LAMB4: variants seen among roughly 807,000 people sequenced by gnomAD.
The protein encoded by LAMB4 is laminin subunit beta-4.
In LAMB4, 196 loss-of-function variants were observed where a neutral mutation model predicts 199.2. That is an observed-to-expected ratio of 0.98 (90% CI 0.88 to 1.11). The LOEUF is 1.11. Ranked by LOEUF, LAMB4 falls within the 50% of genes least tolerant of loss-of-function variation. The pLI, the probability that LAMB4 is intolerant of heterozygous loss-of-function variation, is 0.00. For missense variants in LAMB4, 2,080 were observed against 2,171.2 expected (o/e 0.96, Z 0.83); for synonymous variants, 744 against 770.6 (o/e 0.97, Z 0.57).
the LAMB4 span, among the ~76,000 whole-genome samples, chr7:108,013,484 A>G: frequency 5.6e-4 from 86 of 152,262 alleles, 1 homozygote; most frequent in East Asian, 0.017. Flanking sequence ...ATTCCTTATA[A>G]ATGTGTTCAG....
rs780410495 is a variant in LAMB4, at chr7:108,069,717, C to T, written c.2293G>A (p.Gly765Arg). Reference protein sequence around the residue: ...IISMSAKLHDGAVACKCHPQG... With the variant: ...IISMSAKLHDRAVACKCHPQG... ...TTAAACAGATACTTACCCACAGCCCCATCATGCAGCTTGGCAGACATGCTG... is the reference window on the plus strand; with the variant it reads ...TTAAACAGATACTTACCCACAGCCCTATCATGCAGCTTGGCAGACATGCTG... The change falls in exon 18 of 34, where the codon GGG becomes AGG. Residue 765 changes from glycine (G) to arginine (R), a missense_variant. Physicochemically the swap from Gly to Arg is moderately radical, Grantham distance 125. Transcript: ENST00000388781. The T allele has an allele frequency of 5.6e-6, 9 of 1,613,620 alleles. No homozygotes were observed. The highest frequency in any genetic ancestry group is 3.3e-5 in the Admixed American group (2 of 59,996).
At chr7:108,099,728 A>T (rs1212776394) in intron 10 of LAMB4, among the ~76,000 whole-genome samples, 1 of 152,228 alleles carries the variant, frequency 6.6e-6, no homozygotes, top group African/African-American at 2.4e-5. Context: ...GATTACTAAA[A>T]ACAAAACTGT....
intron 24 of LAMB4, among the ~76,000 whole-genome samples, 180 bp from the exon 25 acceptor site, chr7:108,056,187 C>G (rs1389044453): frequency 6.6e-6 from 1 of 152,216 alleles, no homozygotes; most frequent in Non-Finnish European, 1.5e-5. Flanking sequence ...CAGCATGGCT[C>G]TCTATATTCC....
chr7:108,048,099 G>A lies in LAMB4; in HGVS notation c.4135C>T (p.Pro1379Ser). Residue 1379 changes from proline (P) to serine (S), a missense_variant, in exon 28 of 34, where the codon CCA (proline) becomes TCA (serine). Pro to Ser is a moderately conservative substitution (Grantham distance 74, BLOSUM62 -1). Coordinates refer to ENST00000388781, the MANE Select transcript of LAMB4 (RefSeq NM_007356.3). Reference protein sequence around the residue: ...QILNEKVCGDPGNVPCVPLPC... With the variant: ...QILNEKVCGDSGNVPCVPLPC... ...AAGGGCACACATGGCACATTTCCTG[G>A]ATCTCCGCACACCTTGCAAGAGAAA... 6.2e-7 allele frequency: 1 copy of A among 1,612,176 alleles called. No individual in the cohort carries two copies. The highest frequency in any genetic ancestry group is 1.7e-5 in the Admixed American group (1 of 59,938).
At chr7:108,062,506 G>A (rs930185558) in intron 23 of LAMB4, 1 of 267,848 alleles carries the variant, frequency 3.7e-6, no homozygotes, top group Non-Finnish European at 7.0e-6. Flanking sequence ...AGGTGAGGCT[G>A]ATGTCTGTGT....
chr7:108,033,735 A>ATTT (rs556578520), intron 31 of LAMB4, among the ~76,000 whole-genome samples: 1 of 102,056 alleles, frequency 9.8e-6, no homozygotes, highest in Non-Finnish European at 2.1e-5. Flanking sequence ...TTGGATGAGT[A>ATTT]TTTTTTTTTT....
intron 24 of LAMB4, among the ~76,000 whole-genome samples, chr7:108,056,719 C>A (rs2035996315): frequency 6.6e-6 from 1 of 152,130 alleles, no homozygotes; most frequent in Admixed American, 6.5e-5. Flanking sequence ...CCTGTAATCC[C>A]AGCACTTTGG....
chr7:108,072,732 C>T (rs758736174), intron 17 of LAMB4, among the ~76,000 whole-genome samples: 42 of 152,112 alleles, frequency 2.8e-4, no homozygotes, highest in Non-Finnish European at 5.1e-4. Context: ...CTATGCCTAC[C>T]ACAGTGTCTA....
At position 108,043,545 on chromosome 7, in the gene LAMB4, G is replaced by GTTTTTTTTT. The variant is rs748169558; in HGVS notation, c.4471+198_4471+206dup. Among the ~76,000 whole-genome samples, 40 of 55,956 alleles carry GTTTTTTTTT rather than the reference G, an allele frequency of 7.1e-4. 6 individuals carry two copies. Among genetic ancestry groups the GTTTTTTTTT allele is most frequent in the Non-Finnish European group, 1.0e-3 (35 of 34,492 alleles). 36.7% of individuals were successfully genotyped at this position (55,956 alleles called of 152,430 possible). A position where few individuals can be genotyped will look rare whatever the true frequency, so the allele number is the denominator to read the frequency against. ...AATATAATTTGGAACTGGCTATGAT[G>GTTTTTTTTT]TTTTTTTTTTTTTTTTTTTTTTTTT... On this transcript the variant is annotated intron_variant, in intron 29 of 33. Coordinates refer to ENST00000388781, the MANE Select transcript of LAMB4 (RefSeq NM_007356.3).
At chr7:108,049,915 T>C (rs1226841067) in intron 26 of LAMB4, among the ~76,000 whole-genome samples, 2 of 152,242 alleles carry the variant, frequency 1.3e-5, no homozygotes, top group Non-Finnish European at 2.9e-5. Context: ...TCCACAAATA[T>C]AAGATATTAA....
intron 23 of LAMB4, among the ~76,000 whole-genome samples, chr7:108,060,578 C>T (rs2036127568): frequency 1.3e-5 from 2 of 152,168 alleles, no homozygotes; most frequent in African/African-American, 2.4e-5. Flanking sequence ...AAATATTTTG[C>T]AGTGCCAGAA....
chr7:108,089,519 T>C (rs2037317774), intron 14 of LAMB4, among the ~76,000 whole-genome samples: 1 of 152,216 alleles, frequency 6.6e-6, no homozygotes, highest in Non-Finnish European at 1.5e-5. Flanking sequence ...CACTGGCCCA[T>C]CCTAAGCTAT....
At chr7:108,013,518 G>C in the LAMB4 span, among the ~76,000 whole-genome samples, 1 of 152,138 alleles carries the variant, frequency 6.6e-6, no homozygotes, top group Non-Finnish European at 1.5e-5. Context: ...CTGTAATGCA[G>C]AAAGCATCAT....
In LAMB4 at chr7:108,055,719, T is replaced by A. The variant is rs773869669; in HGVS notation, c.3668A>T (p.Asn1223Ile). ...CEADFKDLRG[N>I]VSEIERILKH... ...CAAAATCCTTTCTATTTCAGACACG[T>A]TCCCTCTGAGGTCTTTGAAGTCTGC... Residue 1223 changes from asparagine (N) to isoleucine (I), a missense_variant, in exon 25 of 34, where the codon AAC becomes ATC. Coordinates refer to ENST00000388781, the MANE Select transcript of LAMB4 (RefSeq NM_007356.3). 3.1e-6 allele frequency: 5 copies of A among 1,614,010 alleles called. No homozygotes were observed. In the South Asian group the frequency reaches 5.5e-5, roughly 18 times the overall value.
chr7:108,122,119 T>A (rs1393220801), intron 2 of LAMB4, among the ~76,000 whole-genome samples: 2 of 152,234 alleles, frequency 1.3e-5, no homozygotes, highest in African/African-American at 4.8e-5. Context: ...GTCCCCTAAT[T>A]GAGGAGGGCT....
chr7:108,086,659 T>G (rs2037190065), intron 14 of LAMB4, among the ~76,000 whole-genome samples: 2 of 151,902 alleles, frequency 1.3e-5, no homozygotes, highest in Admixed American at 1.3e-4. Context: ...AAAATCTGAG[T>G]TGGGCTTTAA....
the LAMB4 span, among the ~76,000 whole-genome samples, chr7:108,017,974 C>T: frequency 6.6e-6 from 1 of 152,358 alleles, no homozygotes; most frequent in South Asian, 2.1e-4. Context: ...ATGCAGGGGA[C>T]AAACCATGCT....
At chr7:108,097,602 G>A (rs935305118) in intron 11 of LAMB4, among the ~76,000 whole-genome samples, 1 of 152,160 alleles carries the variant, frequency 6.6e-6, no homozygotes, top group Non-Finnish European at 1.5e-5. Flanking sequence ...TGGCTAACAC[G>A]GTGAAACCCC....
At chr7:108,058,843 G>A (rs1034463650) in intron 23 of LAMB4, among the ~76,000 whole-genome samples, 1 of 152,070 alleles carries the variant, frequency 6.6e-6, no homozygotes, top group Non-Finnish European at 1.5e-5. Context: ...TTTTAATACA[G>A]ATGAGGTTTC....
Sources: allele counts gnomAD v4.1 joint callset (sites outside exome capture counted in the v4.1 genomes callset), GRCh38; gene constraint gnomAD v4.1.1; transcripts MANE v1.5; gene names NCBI Gene and HGNC (gene_info 2026-07-23, HGNC 2026-07-21).